Variants in IFT80 observed in about 807,000 individuals in gnomAD.
The protein encoded by IFT80 is intraflagellar transport protein 80 homolog.
A neutral mutation model predicts 107.9 loss-of-function variants in IFT80; 79 were observed. That is an observed-to-expected ratio of 0.73 (90% CI 0.61 to 0.88). The LOEUF is 0.88. IFT80 is among the 40% of genes least tolerant of loss of function. IFT80 has a pLI of 0.00. For synonymous variants in IFT80, 299 were observed against 300.9 expected, an observed-to-expected ratio of 0.99 and a Z score of 0.07; for missense variants, 797 against 914.2, an observed-to-expected ratio of 0.87 and a Z score of 1.65.
Position 160,384,555 on chromosome 3 carries a change from A to C in IFT80, c.37+9T>G. The C allele has an allele frequency of 2.7e-6, 4 of 1,465,628 alleles. No individual in the cohort carries two copies. The highest frequency in any genetic ancestry group is 3.8e-6 in the Non-Finnish European group (4 of 1,052,614). The allele number at this position is 1,465,628 out of a possible 1,614,324, so 90.8% of individuals were successfully genotyped here. A position where few individuals can be genotyped will look rare whatever the true frequency, so the allele number is the denominator to read the frequency against. On this transcript the variant is annotated intron_variant, in intron 2 of 19. Transcript: ENST00000326448. ...AATCCAATAAGATTTATAAGCATTA[A>C]AAGGATATGCTTTGGTTCTTTTAAA...
At chr3:160,349,341 C>T (rs1199671480) in intron 8 of IFT80, among the ~76,000 whole-genome samples, 2 of 151,884 alleles carry the variant, frequency 1.3e-5, no homozygotes, top group Admixed American at 6.6e-5. Flanking sequence ...CCCAGCTACT[C>T]GGGAGGCTGA....
At position 160,300,995 on chromosome 3, in the gene IFT80, C is replaced by A. The variant is rs1466583103; in HGVS notation, c.1203G>T (p.Gly401=). Residue 401 remains glycine (G), a synonymous_variant, in exon 12 of 20, where the codon GGG becomes GGT. Coordinates refer to ENST00000326448, the MANE Select transcript of IFT80 (RefSeq NM_020800.3). ...GAAATTTTGGAGATGAAATAAAGCG[C>A]CCTTCATATGAATATAAATAGATAC... is the stretch of plus-strand genomic sequence containing the variant. ...GSSIYLYSYE[G]RFISSPKFPG... 4 of 1,602,628 alleles carry A rather than the reference C, an allele frequency of 2.5e-6. No individual in the cohort carries two copies. The highest frequency in any genetic ancestry group is 3.4e-6 in the Non-Finnish European group (4 of 1,171,892).
At chr3:160,342,451 G>T (rs189524060) in intron 8 of IFT80, among the ~76,000 whole-genome samples, 174 of 152,222 alleles carry the variant, frequency 1.1e-3, no homozygotes, top group Non-Finnish European at 2.1e-3. Flanking sequence ...CTGTCAAATT[G>T]CTTAGGCATG....
intron 17 of IFT80, 32 bp from the exon 18 acceptor site, chr3:160,277,510 T>G: frequency 3.2e-6 from 5 of 1,571,434 alleles, no homozygotes; most frequent in Non-Finnish European, 4.4e-6. Context: ...TTGAAGTAGA[T>G]AGTAACAGAA....
At chr3:160,324,549 T>G (rs1201930549) in intron 8 of IFT80, among the ~76,000 whole-genome samples, 1 of 152,156 alleles carries the variant, frequency 6.6e-6, no homozygotes, top group Non-Finnish European at 1.5e-5. Context: ...TCTCAACAGA[T>G]GCAGAAAAGG....
intron 6 of IFT80, among the ~76,000 whole-genome samples, chr3:160,365,627 C>T (rs961084967): frequency 1.3e-5 from 2 of 152,068 alleles, no homozygotes; most frequent in African/African-American, 2.4e-5. Context: ...AATTTTAACT[C>T]ATTTAATCCT....
At chr3:160,368,949 A>C (rs1722049655) in intron 5 of IFT80, among the ~76,000 whole-genome samples, 1 of 151,964 alleles carries the variant, frequency 6.6e-6, no homozygotes, top group Admixed American at 6.6e-5. Flanking sequence ...TGTGACTTTA[A>C]GGCTTTAGTT....
chr3:160,352,815 T>TA (rs1466505008), intron 8 of IFT80, among the ~76,000 whole-genome samples: 2 of 152,180 alleles, frequency 1.3e-5, no homozygotes, highest in African/African-American at 4.8e-5. Context: ...TCTTTCTACT[T>TA]ATACAGCAAG....
At position 160,257,570 on chromosome 3, in the gene IFT80, C is replaced by T. The variant is rs569751595; in HGVS notation, c.*955G>A. On this transcript the variant is annotated 3_prime_UTR_variant, in exon 20 of 20. Transcript: ENST00000326448. ...AGGAATGAGGAGAATCCTTCTTGCCCATTCTAGATATATTTTTTAAATTAT... is the reference window on the plus strand; with the variant it reads ...AGGAATGAGGAGAATCCTTCTTGCCTATTCTAGATATATTTTTTAAATTAT... 1.3e-5 allele frequency: 2 copies of T among 152,058 alleles called. No homozygotes were observed. Among genetic ancestry groups the T allele is most frequent in the Non-Finnish European group, 2.9e-5 (2 of 68,014 alleles). 9.4% of individuals were successfully genotyped at this position (152,058 alleles called of 1,614,324 possible). A position where few individuals can be genotyped will look rare whatever the true frequency, so the allele number is the denominator to read the frequency against.
intron 18 of IFT80, among the ~76,000 whole-genome samples, chr3:160,274,915 G>A (rs1185116196): frequency 1.3e-4 from 20 of 152,144 alleles, no homozygotes; most frequent in Non-Finnish European, 1.8e-4. Context: ...GCGAGACTCC[G>A]TCTCAAAAAA....
chr3:160,395,881 C>T (rs888667524), intron 1 of IFT80, among the ~76,000 whole-genome samples: 1 of 152,172 alleles, frequency 6.6e-6, no homozygotes, highest in Non-Finnish European at 1.5e-5. Flanking sequence ...TTGTAATCAA[C>T]AGGCTCCTAT....
chr3:160,260,280 T>C (rs191215963), intron 19 of IFT80, among the ~76,000 whole-genome samples: 20 of 152,292 alleles, frequency 1.3e-4, no homozygotes, highest in Admixed American at 1.2e-3. Context: ...AGATGTTAGA[T>C]TATTTGAAAG....
Position 160,277,344 on chromosome 3 carries a change from T to C in IFT80, c.2061A>G (p.Gln687=), listed in dbSNP as rs556978349. The C allele has an allele frequency of 2.4e-5, 39 of 1,613,428 alleles. No individual in the cohort carries two copies. The highest frequency in any genetic ancestry group is 3.1e-5 in the Non-Finnish European group (36 of 1,179,870). The change falls in exon 18 of 20, where the codon CAA becomes CAG. Residue 687 remains glutamine (Q), a synonymous_variant. Transcript: ENST00000326448. Reference sequence around the variant, plus strand: ...AGAGATTAATATTGATCTGGATTGCTTGATAAACAAGGCCAGCCTGAAGAA... The same window carrying C: ...AGAGATTAATATTGATCTGGATTGCCTGATAAACAAGGCCAGCCTGAAGAA... The part of the protein sequence containing the change: ...IVLLQAGLVY[Q]AIQININLYN...
chr3:160,334,049 C>T (rs191592044), intron 8 of IFT80, among the ~76,000 whole-genome samples: 2 of 152,076 alleles, frequency 1.3e-5, no homozygotes, highest in African/African-American at 4.8e-5. Context: ...CTTATGGGAC[C>T]ACTATCATAT....
chr3:160,282,708 T>A, intron 13 of IFT80, 95 bp from the exon 14 acceptor site: 3 of 758,368 alleles, frequency 4.0e-6, no homozygotes, highest in Admixed American at 5.1e-5. Context: ...TTAAGATCAA[T>A]TAAATGTCAT....
intron 8 of IFT80, among the ~76,000 whole-genome samples, chr3:160,349,969 T>C (rs1042806183): frequency 6.6e-6 from 1 of 152,186 alleles, no homozygotes; most frequent in Non-Finnish European, 1.5e-5. Context: ...CTCCAGACAT[T>C]AGTTCTCATT....
chr3:160,384,739 C>G, intron 1 of IFT80, 93 bp from the exon 2 acceptor site: 3 of 868,896 alleles, frequency 3.5e-6, no homozygotes, highest in Non-Finnish European at 5.4e-6. Context: ...TCATTGCACC[C>G]CAACGAGCAC....
At chr3:160,349,057 G>C (rs1250120982) in intron 8 of IFT80, among the ~76,000 whole-genome samples, 1 of 151,866 alleles carries the variant, frequency 6.6e-6, no homozygotes, top group Non-Finnish European at 1.5e-5. Flanking sequence ...TTTTTAATTG[G>C]GTACATTTTA....
chr3:160,268,481 G>A lies in IFT80; in HGVS notation c.2155C>T (p.Arg719Cys), dbSNP rs764764460. 9.9e-6 allele frequency: 16 copies of A among 1,612,840 alleles called. No individual in the cohort carries two copies. The highest frequency in any genetic ancestry group is 2.2e-5 in the East Asian group (1 of 44,812). ...KTHVDTVLAY[R>C]QKFLETFGKQ... is the part of the protein sequence containing the mutation. ...CCAAATGTCTCCAAAAACTTTTGAC[G>A]GTAAGCAAGAACTGTATCAACATGT... is the stretch of plus-strand genomic sequence containing the variant. The change falls in exon 19 of 20, where the codon CGT becomes TGT. Residue 719 changes from arginine to cysteine, a missense_variant. Coordinates refer to ENST00000326448, the MANE Select transcript of IFT80 (RefSeq NM_020800.3).
Sources: gnomAD v4.1 joint callset for allele counts (sites outside exome capture counted in the v4.1 genomes callset) on GRCh38, gnomAD v4.1.1 for gene constraint, MANE v1.5 for transcripts, NCBI Gene and HGNC (gene_info 2026-07-23, HGNC 2026-07-21) for gene names.